The following EMSY variants were observed in gnomAD, a reference collection of about 807,000 sequenced individuals.
EMSY encodes the protein BRCA2-interacting transcriptional repressor EMSY.
In EMSY, 26 loss-of-function variants were observed where a neutral mutation model predicts 134.6. The observed-to-expected ratio is 0.19, with a 90% CI of 0.14 to 0.27. EMSY has a LOEUF of 0.27. EMSY is among the 10% of genes least tolerant of loss of function. The pLI is 1.00. For synonymous variants in EMSY, 579 were observed against 577.8 expected (o/e 1.00, Z -0.03); for missense variants, 1,305 against 1,611.4 (o/e 0.81, Z 3.26).
At chr11:76,545,380 AATAC>A (rs1276022136) in intron 19 of EMSY, among the ~76,000 whole-genome samples, 1 of 152,120 alleles carries the variant, frequency 6.6e-6, no homozygotes, top group Non-Finnish European at 1.5e-5. Flanking sequence ...ATATATTATA[AATAC>A]ATATATATAG....
At chr11:76,547,542 C>T (rs190153164) in intron 20 of EMSY, among the ~76,000 whole-genome samples, 369 of 152,266 alleles carry the variant, frequency 2.4e-3, no homozygotes, top group African/African-American at 8.4e-3. Flanking sequence ...GGCTACTTAA[C>T]GTCATTTTGC....
intron 4 of EMSY, among the ~76,000 whole-genome samples, chr11:76,457,225 T>TA (rs1402220629): frequency 6.6e-6 from 1 of 152,214 alleles, no homozygotes; most frequent in Non-Finnish European, 1.5e-5. Context: ...TGGGTGGACA[T>TA]ACAGAGTCTT....
At chr11:76,463,695 A>T (rs1948232231) in intron 6 of EMSY, 126 bp from the exon 8 acceptor site, 3 of 1,029,526 alleles carry the variant, frequency 2.9e-6, no homozygotes, top group African/African-American at 3.3e-5. Flanking sequence ...GGGAAGATTG[A>T]TAGAACTTAT....
intron 17 of EMSY, among the ~76,000 whole-genome samples, chr11:76,541,032 T>G (rs1951419524): frequency 6.6e-6 from 1 of 152,158 alleles, no homozygotes; most frequent in Non-Finnish European, 1.5e-5. Context: ...CAAGACCAGC[T>G]TGGCCATCAT....
intron 7 of EMSY, 83 bp downstream of exon 8, chr11:76,464,163 T>G: frequency 1.4e-6 from 2 of 1,473,634 alleles, no homozygotes; most frequent in Middle Eastern, 1.7e-4. Flanking sequence ...CACTGAGTGC[T>G]TACTATGTGC....
chr11:76,539,572 G>T (rs888312283), intron 16 of EMSY, 27 bp from the exon 18 acceptor site: 1 of 1,611,864 alleles, frequency 6.2e-7, no homozygotes, highest in Non-Finnish European at 8.5e-7. Context: ...AAAAGACTAT[G>T]ATTTCTTCCC....
At chr11:76,544,136 G>A (rs1951551343) in intron 18 of EMSY, 123 bp from the exon 20 acceptor site, 1 of 1,008,460 alleles carries the variant, frequency 9.9e-7, no homozygotes, top group Non-Finnish European at 1.4e-6. Flanking sequence ...AGGTTTCTTG[G>A]CCTTTCTAGG....
intron 10 of EMSY, 142 bp downstream of exon 11, chr11:76,513,677 C>G (rs1425146504): frequency 2.6e-6 from 2 of 778,658 alleles, no homozygotes; most frequent in South Asian, 2.2e-5. Flanking sequence ...TCTCACACCC[C>G]TACTGACTGC....
At chr11:76,490,673 T>C (rs1404516055) in intron 8 of EMSY, among the ~76,000 whole-genome samples, 1 of 152,224 alleles carries the variant, frequency 6.6e-6, no homozygotes, top group East Asian at 1.9e-4. Context: ...AAACTGGTGA[T>C]TTTCTTTTAA....
At chr11:76,505,481 C>T (rs1215816508) in intron 9 of EMSY, among the ~76,000 whole-genome samples, 3 of 149,484 alleles carry the variant, frequency 2.0e-5, no homozygotes, top group Non-Finnish European at 4.4e-5. Context: ...TATACAATAG[C>T]GTGATAAATA....
At chr11:76,546,179 C>G (rs2136831304) in exon 20 of EMSY, 1 of 1,614,182 alleles carries the variant, frequency 6.2e-7, no homozygotes. Context: ...ACTGTTGGCT[C>G]TTCCCTAACG....
chr11:76,486,689 C>CT (rs1432824962), intron 8 of EMSY, among the ~76,000 whole-genome samples: 1 of 152,084 alleles, frequency 6.6e-6, no homozygotes, highest in Non-Finnish European at 1.5e-5. Flanking sequence ...CCTTCAGAGT[C>CT]TGTCTGGAAG....
chr11:76,489,251 T>TACAGAA (rs1425154083), intron 8 of EMSY, among the ~76,000 whole-genome samples: 1 of 152,176 alleles, frequency 6.6e-6, no homozygotes, highest in Admixed American at 6.5e-5. Context: ...AATTGACTTT[T>TACAGAA]CATTTGGTTC....
chr11:76,536,182 G>A (rs1951219352), intron 15 of EMSY, 123 bp downstream of exon 16: 2 of 669,392 alleles, frequency 3.0e-6, no homozygotes, highest in Non-Finnish European at 4.1e-6. Flanking sequence ...TATTATTTGA[G>A]CACATTTCCC....
intron 6 of EMSY, among the ~76,000 whole-genome samples, chr11:76,461,818 G>A (rs894282241): frequency 6.6e-6 from 1 of 152,164 alleles, no homozygotes; most frequent in African/African-American, 2.4e-5. Context: ...TGTAATCCGA[G>A]CTATTTGGGA....
chr11:76,527,735 T>C (rs530661641), intron 13 of EMSY, among the ~76,000 whole-genome samples: 1 of 152,074 alleles, frequency 6.6e-6, no homozygotes, highest in African/African-American at 2.4e-5. Context: ...AAGTTTTACT[T>C]TTTGCAGGTG....
intron 20 of EMSY, chr11:76,547,188 T>A: frequency 2.8e-6 from 1 of 356,836 alleles, no homozygotes; most frequent in South Asian, 2.2e-5. Flanking sequence ...TTTAGTTAAT[T>A]GAGAATTTGG....
At chr11:76,467,267 G>A (rs564808380) in intron 7 of EMSY, among the ~76,000 whole-genome samples, 6 of 152,096 alleles carry the variant, frequency 3.9e-5, no homozygotes, top group Non-Finnish European at 7.4e-5. Flanking sequence ...TTACTATAAC[G>A]CTTTTAACTG....
chr11:76,467,406 A>G lies in EMSY; in HGVS notation c.831+3326A>G, dbSNP rs138540349. 6.7e-3 allele frequency among the ~76,000 whole-genome samples: 1,026 copies of G among 152,300 alleles called. 3 individuals carry two copies. Among genetic ancestry groups the G allele is most frequent in the Non-Finnish European group, 1.0e-2 (680 of 68,030 alleles). On this transcript the variant is annotated intron_variant, in intron 7 of 20. Transcript: ENST00000334736. ...CTAAAAGCGTACCTACCTCCCATCC[A>G]TATCCTTCTATTCCTGTACTCTGTT...
Sources: gnomAD v4.1 joint callset for allele counts (sites outside exome capture counted in the v4.1 genomes callset) on GRCh38, gnomAD v4.1.1 for gene constraint, MANE v1.5 for transcripts, NCBI Gene and HGNC (gene_info 2026-07-23, HGNC 2026-07-21) for gene names.